TBC1D14: variants seen among roughly 807,000 people sequenced by gnomAD.
The protein encoded by TBC1D14 is TBC1 domain family member 14, also known as TBC1 domain family, member 14.
TBC1D14 carries 26 observed loss-of-function variants against 79.0 expected under a neutral mutation model. The ratio of observed to expected loss-of-function variants is 0.33; its 90% CI spans 0.24 to 0.46. The LOEUF is 0.46. Among genes scored for constraint, TBC1D14 ranks in the 20% least tolerant of loss-of-function variants. The pLI is 1.00. For missense variants in TBC1D14, 769 were observed against 887.6 expected, an observed-to-expected ratio of 0.87 and a Z score of 1.70; for synonymous variants, 394 against 349.9, an observed-to-expected ratio of 1.13 and a Z score of -1.40.
chr4:7,026,092 C>A (rs544735824), intron 13 of TBC1D14, among the ~76,000 whole-genome samples: 1 of 151,938 alleles, frequency 6.6e-6, no homozygotes, highest in Admixed American at 6.6e-5. Flanking sequence ...GTGCAGCCCC[C>A]GCCTCCCAGG....
intron 13 of TBC1D14, among the ~76,000 whole-genome samples, chr4:7,028,843 CT>C (rs532832000): frequency 6.7e-4 from 97 of 145,790 alleles, no homozygotes; most frequent in Middle Eastern, 3.7e-3. Context: ...CTTTTTCCTT[CT>C]TTTTTTTTTT....
intron 2 of TBC1D14, among the ~76,000 whole-genome samples, chr4:6,949,334 A>G (rs1000419691): frequency 2.0e-5 from 3 of 152,122 alleles, no homozygotes; most frequent in Non-Finnish European, 2.9e-5. Context: ...TAAATTTGCA[A>G]GGGTTTGGTT....
intron 2 of TBC1D14, among the ~76,000 whole-genome samples, chr4:6,947,261 G>A (rs1003003780): frequency 3.3e-5 from 5 of 152,144 alleles, no homozygotes; most frequent in South Asian, 2.1e-4. Context: ...ACTTTGGGAG[G>A]CCGAGGCAGG....
chr4:7,015,567 G>A (rs967916562), intron 12 of TBC1D14, among the ~76,000 whole-genome samples: 1 of 152,206 alleles, frequency 6.6e-6, no homozygotes, highest in African/African-American at 2.4e-5. Context: ...TCTTCATGCT[G>A]TGGTGAAAGG....
Position 6,923,808 on chromosome 4 carries a change from T to C in TBC1D14, c.419T>C (p.Leu140Pro), listed in dbSNP as rs1432754681. 7 of 1,614,082 alleles carry C rather than the reference T, an allele frequency of 4.3e-6. No homozygotes were observed. Among genetic ancestry groups the C allele is most frequent in the Admixed American group, 1.7e-5 (1 of 60,012 alleles). ...AGGACAGGCTATGACTCGGTAAAGC[T>C]CTATAGCCCGACCTCCAAAGCCCTG... ...FPRTGYDSVK[L>P]YSPTSKALTR... Residue 140 changes from leucine to proline, a missense_variant, in exon 2 of 14, where the codon CTC (leucine) becomes CCC (proline). This residue lies in a region of TBC1D14 where 402 missense variants were observed against 393.2 expected (regional missense o/e 1.02). Transcript: ENST00000409757.
chr4:6,912,534 A>G (rs897689762), intron 1 of TBC1D14, among the ~76,000 whole-genome samples: 1 of 152,184 alleles, frequency 6.6e-6, no homozygotes, highest in Non-Finnish European at 1.5e-5. Flanking sequence ...GTTGAGGCCC[A>G]GAGCTCCATC....
At chr4:6,978,903 A>C (rs892745753) in intron 3 of TBC1D14, among the ~76,000 whole-genome samples, 13 of 152,184 alleles carry the variant, frequency 8.5e-5, no homozygotes, top group Non-Finnish European at 1.6e-4. Flanking sequence ...GTTATTTAAA[A>C]ATATGTTTGA....
intron 1 of TBC1D14, among the ~76,000 whole-genome samples, chr4:6,921,924 TGACCTCTC>T (rs1039621758): frequency 2.0e-5 from 3 of 152,110 alleles, no homozygotes; most frequent in African/African-American, 7.2e-5. Context: ...CACAAACTGC[TGACCTCTC>T]GACCTGCCCG....
intron 12 of TBC1D14, among the ~76,000 whole-genome samples, chr4:7,015,070 G>A (rs1721147060): frequency 6.6e-6 from 1 of 152,104 alleles, no homozygotes; most frequent in Non-Finnish European, 1.5e-5. Flanking sequence ...TGGGGTAGAG[G>A]TTGAAAGTAA....
At chr4:7,024,513 T>C (rs557289180) in intron 12 of TBC1D14, among the ~76,000 whole-genome samples, 2 of 152,024 alleles carry the variant, frequency 1.3e-5, no homozygotes, top group Non-Finnish European at 2.9e-5. Context: ...AGCTAGGGTG[T>C]GCCATGATGA....
At chr4:7,004,766 A>C (rs915924734) in intron 7 of TBC1D14, 78 bp from the exon 8 acceptor site, 16 of 1,315,032 alleles carry the variant, frequency 1.2e-5, no homozygotes, top group African/African-American at 2.9e-5. Flanking sequence ...TATTTGGAGG[A>C]AATAGTACTG....
chr4:6,958,457 C>T (rs183661045), intron 2 of TBC1D14, among the ~76,000 whole-genome samples: 5 of 152,064 alleles, frequency 3.3e-5, no homozygotes, highest in African/African-American at 7.2e-5. Flanking sequence ...GACAGGGTCT[C>T]GCTGTGTCAC....
At chr4:7,007,224 G>A (rs1720291717) in intron 9 of TBC1D14, among the ~76,000 whole-genome samples, 1 of 152,210 alleles carries the variant, frequency 6.6e-6, no homozygotes, top group Admixed American at 6.5e-5. Flanking sequence ...TAGACCAGGA[G>A]AGCAGTGCAG....
intron 2 of TBC1D14, among the ~76,000 whole-genome samples, chr4:6,939,908 G>A (rs1036792296): frequency 6.6e-6 from 1 of 152,204 alleles, no homozygotes; most frequent in Non-Finnish European, 1.5e-5. Context: ...GGAGACGAAG[G>A]CCCTGAGGCC....
chr4:6,909,650 G>T (rs1443773945), upstream of TBC1D14: 1 of 151,746 alleles, frequency 6.6e-6, no homozygotes. Flanking sequence ...GGCGGCCCCC[G>T]GAAGAGGGAC....
chr4:7,006,913 A>G (rs1720254051), intron 9 of TBC1D14, among the ~76,000 whole-genome samples, 187 bp downstream of exon 9: 1 of 152,126 alleles, frequency 6.6e-6, no homozygotes, highest in Non-Finnish European at 1.5e-5. Context: ...TTTCCAACAA[A>G]TATTTACTAT....
chr4:6,987,661 CT>C, intron 3 of TBC1D14: 1 of 342,874 alleles, frequency 2.9e-6, no homozygotes, highest in Non-Finnish European at 5.2e-6. Context: ...TTGAGTCCTC[CT>C]TACCCTGTTT....
intron 3 of TBC1D14, among the ~76,000 whole-genome samples, chr4:6,970,382 T>C (rs970695231): frequency 6.6e-6 from 1 of 152,240 alleles, no homozygotes; most frequent in Non-Finnish European, 1.5e-5. Context: ...TCCATGGTGG[T>C]GAGGATTAAA....
At chr4:6,917,282 T>G (rs1723481328) in intron 1 of TBC1D14, among the ~76,000 whole-genome samples, 1 of 152,226 alleles carries the variant, frequency 6.6e-6, no homozygotes, top group Non-Finnish European at 1.5e-5. Context: ...ATGCCAGGCA[T>G]TTAACCAGAG....
Sources: gnomAD v4.1 joint callset for allele counts (sites outside exome capture counted in the v4.1 genomes callset) on GRCh38, gnomAD v4.1.1 for gene constraint, gnomAD v4.1.1 regional missense constraint, MANE v1.5 for transcripts, NCBI Gene and HGNC (gene_info 2026-07-23, HGNC 2026-07-21) for gene names.